The following ZC3H18 variants were observed in gnomAD, a reference collection of about 807,000 sequenced individuals.
ZC3H18 encodes zinc finger CCCH domain-containing protein 18.
A neutral mutation model predicts 106.1 loss-of-function variants in ZC3H18; 8 were observed. The observed-to-expected ratio is 0.08, with a 90% CI of 0.04 to 0.14. The LOEUF is 0.14. Ranked by LOEUF, ZC3H18 falls within the 10% of genes least tolerant of loss-of-function variation. The pLI, the probability that ZC3H18 is intolerant of heterozygous loss-of-function variation, is 1.00. For synonymous variants in ZC3H18, 635 were observed against 522.1 expected, an observed-to-expected ratio of 1.22 and a Z score of -2.95; for missense variants, 1,318 against 1,278.4, an observed-to-expected ratio of 1.03 and a Z score of -0.47.
chr16:88,595,761 G>A (rs1374975504), intron 3 of ZC3H18, among the ~76,000 whole-genome samples: 11 of 149,798 alleles, frequency 7.3e-5, no homozygotes, highest in Admixed American at 4.0e-4. Context: ...AGCCTAGGTC[G>A]CTCCACTGCA....
At chr16:88,579,428 G>C (rs1312284867) in intron 2 of ZC3H18, among the ~76,000 whole-genome samples, 1 of 152,142 alleles carries the variant, frequency 6.6e-6, no homozygotes, top group African/African-American at 2.4e-5. Context: ...AAGAGGACTG[G>C]CTGCAGACCC....
chr16:88,622,525 T>A, intron 9 of ZC3H18, 137 bp downstream of exon 9: 2 of 955,002 alleles, frequency 2.1e-6, no homozygotes, highest in Non-Finnish European at 3.0e-6. Flanking sequence ...GACCAGTCAG[T>A]GGGACTAACC....
At chr16:88,623,391 A>AAGGGCCCTCAGCAGGTGCAGTGAGCG in intron 10 of ZC3H18, 47 bp downstream of exon 10, 1 of 1,600,744 alleles carries the variant, frequency 6.2e-7, no homozygotes, top group Non-Finnish European at 8.5e-7. Flanking sequence ...TGCAGTGAGC[A>AAGGGCCCTCAGCAGGTGCAGTGAGCG]AGGGCACCTG....
chr16:88,610,777 T>C (rs1905233076), intron 7 of ZC3H18, among the ~76,000 whole-genome samples: 1 of 152,264 alleles, frequency 6.6e-6, no homozygotes, highest in Admixed American at 6.5e-5. Context: ...GCAGGGCATG[T>C]GCTCTGCTGT....
intron 8 of ZC3H18, among the ~76,000 whole-genome samples, chr16:88,620,865 GTTTT>G (rs1287064514): frequency 1.3e-5 from 2 of 151,956 alleles, no homozygotes; most frequent in Non-Finnish European, 2.9e-5. Context: ...TTGTGTTTGG[GTTTT>G]TTTGTTTGTT....
chr16:88,605,950 C>T lies in ZC3H18; in HGVS notation c.1089-2984C>T, dbSNP rs533584482. Among the ~76,000 whole-genome samples, 3 of 152,360 alleles carry T rather than the reference C, an allele frequency of 2.0e-5. No individual in the cohort carries two copies. The South Asian group carries it at 6.2e-4, about 32-fold the overall frequency. ...CCACGTGCCAGTGCTGAGTCTGACG[C>T]TGCCCAGACCTCTGGGGACGCGGGG... On this transcript the variant is annotated intron_variant, in intron 6 of 17. Transcript: ENST00000301011.
At chr16:88,576,560 C>T (rs533520141) in intron 1 of ZC3H18, among the ~76,000 whole-genome samples, 16 of 152,172 alleles carry the variant, frequency 1.1e-4, no homozygotes, top group South Asian at 8.3e-4. Context: ...AAGGGATTCT[C>T]GGAGGCCCTC....
At chr16:88,595,074 C>G (rs1027362405) in intron 3 of ZC3H18, among the ~76,000 whole-genome samples, 1 of 152,142 alleles carries the variant, frequency 6.6e-6, no homozygotes, top group African/African-American at 2.4e-5. Flanking sequence ...TCACTTGAAC[C>G]TGGGAGGCGG....
intron 3 of ZC3H18, among the ~76,000 whole-genome samples, chr16:88,589,883 C>T (rs1207433955): frequency 6.6e-6 from 1 of 152,222 alleles, no homozygotes; most frequent in African/African-American, 2.4e-5. Flanking sequence ...AGTGGTGATG[C>T]TTACACAACT....
At position 88,631,783 on chromosome 16, in the gene ZC3H18, CTA is replaced by C. The variant is rs1906710291; in HGVS notation, c.*485_*486del. 3.1e-6 allele frequency: 1 copy of C among 318,422 alleles called. No homozygotes were observed. Among genetic ancestry groups the C allele is most frequent in the African/African-American group, 2.3e-5 (1 of 44,406 alleles). The allele number at this position is 318,422 out of a possible 1,614,324, so 19.7% of individuals were successfully genotyped here. On this transcript the variant is annotated 3_prime_UTR_variant, in exon 18 of 18. Transcript: ENST00000301011. ...ATCAGAAATATATCTATATTCTCGA[CTA>C]AAGTCTCATCAGGAAATATTTCCTG...
At chr16:88,587,035 C>G (rs894235827) in intron 3 of ZC3H18, among the ~76,000 whole-genome samples, 20 of 152,200 alleles carry the variant, frequency 1.3e-4, no homozygotes, top group African/African-American at 3.9e-4. Flanking sequence ...GCCGAATGTT[C>G]TAGACACCAG....
intron 5 of ZC3H18, 110 bp from the exon 6 acceptor site, chr16:88,599,681 C>T (rs1017683822): frequency 7.6e-7 from 1 of 1,322,408 alleles, no homozygotes; most frequent in African/African-American, 1.5e-5. Context: ...GCGTGCAGCT[C>T]CTGCTCCTGC....
At chr16:88,603,310 A>G (rs570983379) in intron 6 of ZC3H18, among the ~76,000 whole-genome samples, 8 of 151,404 alleles carry the variant, frequency 5.3e-5, no homozygotes, top group African/African-American at 1.4e-4. Flanking sequence ...CTGACCTAGC[A>G]GGATCACTTA....
intron 5 of ZC3H18, among the ~76,000 whole-genome samples, chr16:88,598,987 T>C (rs1005958232): frequency 6.6e-6 from 1 of 152,192 alleles, no homozygotes; most frequent in African/African-American, 2.4e-5. Flanking sequence ...GCCTCCCAAG[T>C]AGCTGGGATT....
In ZC3H18 at chr16:88,622,209, G is replaced by A; in HGVS notation, c.1488G>A (p.Glu496=). The A allele has an allele frequency of 6.2e-7, 1 of 1,609,106 alleles. No individual in the cohort carries two copies. The highest frequency in any genetic ancestry group is 2.2e-5 in the East Asian group (1 of 44,760). ...RSPQPPSRQA[E]PPKKEAATTG... The stretch of plus-strand genomic sequence containing the variant: ...TCTGTAATTTCAGCCGCCAAGCTGA[G>A]CCACCAAAGAAGGAGGCTGCCACCA... The change falls in exon 9 of 18, where the codon GAG becomes GAA. Residue 496 remains glutamate, a synonymous_variant. Coordinates refer to ENST00000301011, the MANE Select transcript of ZC3H18 (RefSeq NM_144604.4).
chr16:88,623,464 C>G, intron 10 of ZC3H18, 120 bp downstream of exon 10: 1 of 1,372,338 alleles, frequency 7.3e-7, no homozygotes, highest in Non-Finnish European at 9.8e-7. Flanking sequence ...CTGCTGGCAG[C>G]TGAACTAGGA....
At chr16:88,587,560 C>T in intron 3 of ZC3H18, 3 of 1,536,088 alleles carry the variant, frequency 2.0e-6, no homozygotes, top group Non-Finnish European at 2.6e-6. Flanking sequence ...ACACCATTAT[C>T]CACTCTTCTT....
intron 2 of ZC3H18, among the ~76,000 whole-genome samples, chr16:88,581,065 C>G (rs779885965): frequency 3.3e-5 from 5 of 152,218 alleles, no homozygotes; most frequent in Non-Finnish European, 7.3e-5. Flanking sequence ...CCCTTGGCAC[C>G]CTGGTCTACT....
intron 3 of ZC3H18, among the ~76,000 whole-genome samples, chr16:88,593,743 C>T (rs776913587): frequency 5.8e-4 from 88 of 152,270 alleles, no homozygotes; most frequent in Non-Finnish European, 7.8e-4. Flanking sequence ...CTGGCAGGAA[C>T]AAAGTGAGCC....
Sources: allele counts gnomAD v4.1 joint callset (sites outside exome capture counted in the v4.1 genomes callset), GRCh38; gene constraint gnomAD v4.1.1; transcripts MANE v1.5; gene names NCBI Gene and HGNC (gene_info 2026-07-23, HGNC 2026-07-21).